Variants in GALNT13 observed in about 807,000 individuals in gnomAD.
GALNT13 encodes UDP-GalNAc:polypeptide N-acetylgalactosaminyltransferase 13.
Under a neutral mutation model 64.2 loss-of-function variants are expected in GALNT13, and 28 were observed. The ratio of observed to expected loss-of-function variants is 0.44; its 90% CI spans 0.32 to 0.60. The LOEUF (loss-of-function observed/expected upper bound fraction) is 0.60, where lower values mean the gene tolerates loss of function less well. Ranked by LOEUF, GALNT13 falls within the 20% of genes least tolerant of loss-of-function variation. GALNT13 has a pLI of 0.05. For synonymous variants in GALNT13, 214 were observed against 224.6 expected, an observed-to-expected ratio of 0.95 and a Z score of 0.42; for missense variants, 577 against 669.8, an observed-to-expected ratio of 0.86 and a Z score of 1.53.
At chr2:153,482,279 A>C in the GALNT13 span, among the ~76,000 whole-genome samples, 9 of 152,174 alleles carry the variant, frequency 5.9e-5, no homozygotes, top group African/African-American at 2.2e-4. Flanking sequence ...TTACAACCAC[A>C]AAGAGTAACA....
At chr2:153,912,852 G>A (rs550603219) in intron 2 of GALNT13, among the ~76,000 whole-genome samples, 1 of 152,290 alleles carries the variant, frequency 6.6e-6, no homozygotes, top group East Asian at 1.9e-4. Context: ...AAAGCTCTTT[G>A]TAGGGCAGTG....
chr2:153,210,913 G>A, the GALNT13 span, among the ~76,000 whole-genome samples: 2 of 152,046 alleles, frequency 1.3e-5, no homozygotes, highest in South Asian at 2.1e-4. Flanking sequence ...TTAGTTACTG[G>A]TAACAATATA....
the GALNT13 span, among the ~76,000 whole-genome samples, chr2:153,097,291 G>A: frequency 6.6e-6 from 1 of 152,056 alleles, no homozygotes; most frequent in Non-Finnish European, 1.5e-5. Flanking sequence ...TAGGATAAGA[G>A]TAGTTTACAC....
At chr2:154,320,837 A>G (rs1471565966) in intron 9 of GALNT13, among the ~76,000 whole-genome samples, 2 of 152,194 alleles carry the variant, frequency 1.3e-5, no homozygotes, top group Non-Finnish European at 1.5e-5. Flanking sequence ...TAATCATCCA[A>G]AATGCTAATT....
chr2:154,238,893 T>TA (rs1435816181), intron 4 of GALNT13, among the ~76,000 whole-genome samples: 1 of 152,028 alleles, frequency 6.6e-6, no homozygotes, highest in Non-Finnish European at 1.5e-5. Flanking sequence ...CAGTATACAA[T>TA]ACAGTATTAT....
At chr2:153,854,266 TA>T in the GALNT13 span, among the ~76,000 whole-genome samples, 21 of 151,648 alleles carry the variant, frequency 1.4e-4, no homozygotes, top group East Asian at 3.5e-3. Context: ...ATATTTTATA[TA>T]AAAAATATAA....
chr2:153,960,842 A>C (rs1205056505), intron 3 of GALNT13, among the ~76,000 whole-genome samples: 2 of 152,198 alleles, frequency 1.3e-5, no homozygotes, highest in African/African-American at 4.8e-5. Flanking sequence ...TTTAGTATTT[A>C]TTTAAATAAA....
At chr2:153,832,514 A>G in the GALNT13 span, among the ~76,000 whole-genome samples, 1 of 152,182 alleles carries the variant, frequency 6.6e-6, no homozygotes, top group Non-Finnish European at 1.5e-5. Context: ...TGTGACTAAT[A>G]AAATAAAAGT....
At chr2:154,142,198 GATATTAGCATCATATTTACTAAC>G (rs1352818292) in intron 4 of GALNT13, among the ~76,000 whole-genome samples, 1 of 152,092 alleles carries the variant, frequency 6.6e-6, no homozygotes, top group Non-Finnish European at 1.5e-5. Flanking sequence ...ACTGTGTCAT[GATATTAGCATCATATTTACTAAC>G]TCTTATTTTT....
intron 9 of GALNT13, among the ~76,000 whole-genome samples, chr2:154,390,477 G>A (rs1424890346): frequency 6.6e-6 from 1 of 152,140 alleles, no homozygotes; most frequent in African/African-American, 2.4e-5. Flanking sequence ...AGAGCACGTG[G>A]TATGTGGTTT....
intron 4 of GALNT13, among the ~76,000 whole-genome samples, chr2:154,197,287 C>G (rs1686928809): frequency 6.6e-6 from 1 of 151,952 alleles, no homozygotes; most frequent in African/African-American, 2.4e-5. Context: ...ACATGAATGA[C>G]AGTAAAATAT....
chr2:153,808,634 C>T, the GALNT13 span, among the ~76,000 whole-genome samples: 1 of 152,222 alleles, frequency 6.6e-6, no homozygotes, highest in East Asian at 1.9e-4. Flanking sequence ...ATATAAGAAC[C>T]CTACTCTGAC....
the GALNT13 span, among the ~76,000 whole-genome samples, chr2:153,345,604 ATTTCT>A: frequency 0.11 from 13,692 of 126,528 alleles, 1,744 homozygotes; most frequent in Admixed American, 0.16. Context: ...GTGCCCTCCC[ATTTCT>A]TTTCTTTTCT....
At chr2:154,390,895 G>A (rs1698760368) in intron 9 of GALNT13, among the ~76,000 whole-genome samples, 1 of 152,094 alleles carries the variant, frequency 6.6e-6, no homozygotes, top group Admixed American at 6.5e-5. Flanking sequence ...GTTTATTTAG[G>A]TCTTTCTCCA....
the GALNT13 span, among the ~76,000 whole-genome samples, chr2:153,288,650 C>G: frequency 6.6e-6 from 1 of 152,170 alleles, no homozygotes; most frequent in Non-Finnish European, 1.5e-5. Context: ...CAAATAACGG[C>G]TCCAAAGAGC....
the GALNT13 span, among the ~76,000 whole-genome samples, chr2:153,403,474 C>G: frequency 6.6e-6 from 1 of 152,198 alleles, no homozygotes; most frequent in Non-Finnish European, 1.5e-5. Flanking sequence ...AGCTTCCTGG[C>G]TGCTTTGTTT....
At chr2:154,353,314 T>G (rs941629458) in intron 9 of GALNT13, among the ~76,000 whole-genome samples, 15 of 152,290 alleles carry the variant, frequency 9.8e-5, no homozygotes, top group Admixed American at 7.2e-4. Flanking sequence ...AAAAATGGGG[T>G]ATAACTGAGG....
chr2:153,837,290 G>C, the GALNT13 span, among the ~76,000 whole-genome samples: 1 of 151,880 alleles, frequency 6.6e-6, no homozygotes, highest in African/African-American at 2.4e-5. Context: ...GTGTCTGTTG[G>C]CTGCATAAAT....
the GALNT13 span, among the ~76,000 whole-genome samples, chr2:153,849,266 A>G: frequency 6.6e-6 from 1 of 152,218 alleles, no homozygotes; most frequent in East Asian, 1.9e-4. Context: ...AGAAGAAACT[A>G]TCTTAAACTG....
Sources: gnomAD v4.1 joint callset for allele counts (sites outside exome capture counted in the v4.1 genomes callset) on GRCh38, gnomAD v4.1.1 for gene constraint, MANE v1.5 for transcripts, NCBI Gene and HGNC (gene_info 2026-07-23, HGNC 2026-07-21) for gene names.